Variants in TEX11 observed in about 807,000 individuals in gnomAD.
TEX11 encodes the protein testis-expressed protein 11.
TEX11 carries 7 observed loss-of-function variants against 84.4 expected under a neutral mutation model. The observed-to-expected ratio is 0.08, with a 90% CI of 0.05 to 0.16. The LOEUF (loss-of-function observed/expected upper bound fraction) is 0.16. Among genes scored for constraint, TEX11 ranks in the 10% least tolerant of loss-of-function variants. TEX11 has a pLI of 1.00. For missense variants in TEX11, 551 were observed against 660.5 expected, an observed-to-expected ratio of 0.83 and a Z score of 1.82; for synonymous variants, 264 against 222.8, an observed-to-expected ratio of 1.18 and a Z score of -1.64.
chrX:70,522,626 T>C, the TEX11 span, among the ~76,000 whole-genome samples: 1 of 111,119 alleles, frequency 9.0e-6, no homozygotes, highest in Non-Finnish European at 1.9e-5. Flanking sequence ...CTCCGCCTCC[T>C]GGGTTCAAGC....
chrX:70,651,463 G>A lies in TEX11; in HGVS notation c.1470C>T (p.Gly490=). Residue 490 remains glycine (G), a synonymous_variant, in exon 17 of 30, where the codon GGC becomes GGT. Transcript: ENST00000374333. The part of the protein sequence containing the change: ...FYIFKIAVIE[G]NSERALQAII... ...TAAAATTTATACCTCTTTCAGAGTT[G>A]CCCTCTATGACTGCAATCTTGAATA... The A allele has an allele frequency of 3.4e-6, 4 of 1,192,914 alleles. No individual in the cohort carries two copies. Among genetic ancestry groups the A allele is most frequent in the South Asian group, 3.6e-5 (2 of 55,114 alleles).
At chrX:70,750,965 T>TATATATATATATATATATAG (rs2090818710) in intron 9 of TEX11, among the ~76,000 whole-genome samples, 1 of 74,328 alleles carries the variant, frequency 1.3e-5, no homozygotes, top group Non-Finnish European at 2.7e-5. Context: ...TATATATATA[T>TATATATATATATATATATAG]AAAAGTCAGG....
chrX:70,762,125 T>C (rs1443288913), intron 9 of TEX11, among the ~76,000 whole-genome samples: 12 of 111,960 alleles, frequency 1.1e-4, no homozygotes, highest in Non-Finnish European at 1.9e-5. Context: ...AGGAATTTCA[T>C]GAACACCAGA....
the TEX11 span, among the ~76,000 whole-genome samples, chrX:70,514,294 G>T: frequency 1.9e-5 from 2 of 104,276 alleles, no homozygotes; most frequent in Non-Finnish European, 4.0e-5. Flanking sequence ...ACAGAGTTTT[G>T]GTGAAGTTAA....
At chrX:70,713,318 G>A (rs1444457636) in intron 13 of TEX11, among the ~76,000 whole-genome samples, 7 of 111,861 alleles carry the variant, frequency 6.3e-5, no homozygotes, top group Non-Finnish European at 5.6e-5. Flanking sequence ...AGTGAGTTAC[G>A]GAGGATTCCC....
Position 70,610,538 on chromosome X carries a change from T to C in TEX11, c.1757A>G (p.Lys586Arg). The C allele has an allele frequency of 8.3e-7, 1 of 1,206,253 alleles. No individual in the cohort carries two copies. Among genetic ancestry groups the C allele is most frequent in the Non-Finnish European group, 1.1e-6 (1 of 892,311 alleles). The change falls in exon 21 of 30, where the codon AAA (lysine) becomes AGA (arginine). Residue 586 changes from lysine to arginine, a missense_variant. Coordinates refer to ENST00000374333, the MANE Select transcript of TEX11 (RefSeq NM_031276.3). ...AEMPESEDKK[K>R]EMDRLLTCLN... ...GCAAGTCAAAAGTCGATCCATTTCT[T>C]TCTTCCTAAAAATAAAGAAAAGGAT...
At chrX:70,677,812 T>G (rs1451771311) in intron 15 of TEX11, among the ~76,000 whole-genome samples, 1 of 49,676 alleles carries the variant, frequency 2.0e-5, no homozygotes, top group Non-Finnish European at 3.7e-5. Context: ...TTTCTTTCCT[T>G]TTTTTTTTTT....
chrX:70,619,157 T>C (rs976305911), intron 20 of TEX11, among the ~76,000 whole-genome samples: 1 of 111,570 alleles, frequency 9.0e-6, no homozygotes, highest in African/African-American at 3.3e-5. Context: ...TCCTACCTGA[T>C]GAAACATGAG....
intron 17 of TEX11, among the ~76,000 whole-genome samples, chrX:70,641,406 C>A (rs1269775779): frequency 9.0e-6 from 1 of 110,654 alleles, no homozygotes; most frequent in African/African-American, 3.3e-5. Context: ...CTCAGCTCTG[C>A]ACCAAGAGGA....
At chrX:70,853,203 G>A (rs764493942) in intron 6 of TEX11, 45 bp downstream of exon 6, 4 of 1,205,547 alleles carry the variant, frequency 3.3e-6, no homozygotes, top group Non-Finnish European at 4.5e-6. Context: ...AACCACAGAT[G>A]TTACTACTAA....
chrX:70,782,414 C>T (rs1390252083), intron 9 of TEX11, among the ~76,000 whole-genome samples: 4 of 110,285 alleles, frequency 3.6e-5, no homozygotes, highest in African/African-American at 6.6e-5. Context: ...CATCAATTAA[C>T]GGGCAAACTA....
intron 7 of TEX11, among the ~76,000 whole-genome samples, chrX:70,843,052 G>T (rs2091456745): frequency 9.0e-6 from 1 of 111,589 alleles, no homozygotes; most frequent in Non-Finnish European, 1.9e-5. Flanking sequence ...TGGCCATACT[G>T]CCCAAGGTAA....
intron 24 of TEX11, among the ~76,000 whole-genome samples, chrX:70,595,868 T>C (rs2088999729): frequency 9.0e-6 from 1 of 111,381 alleles, no homozygotes; most frequent in East Asian, 2.8e-4. Flanking sequence ...ATGACCCAAC[T>C]ACATTCTGTC....
chrX:70,557,484 A>G (rs2088303663), intron 25 of TEX11, among the ~76,000 whole-genome samples: 1 of 110,499 alleles, frequency 9.0e-6, no homozygotes, highest in Non-Finnish European at 1.9e-5. Context: ...AAAAAAAAAG[A>G]AAAAGAAAGA....
At chrX:70,869,036 GTAAAATAAAATAAAA>G (rs67299887) in intron 4 of TEX11, among the ~76,000 whole-genome samples, 6,636 of 53,685 alleles carry the variant, frequency 0.12, 508 homozygotes, top group East Asian at 0.35. Context: ...AGAACTTAAA[GTAAAATAAAATAAAA>G]TAAAATAAAA....
intron 2 of TEX11, among the ~76,000 whole-genome samples, chrX:70,903,918 T>G (rs1470369633): frequency 9.7e-6 from 1 of 102,575 alleles, no homozygotes; most frequent in African/African-American, 3.6e-5. Context: ...CCTCCTAGGC[T>G]CAAGCGATCC....
chrX:70,716,870 C>T (rs181622185), intron 13 of TEX11, among the ~76,000 whole-genome samples: 1 of 112,474 alleles, frequency 8.9e-6, no homozygotes, highest in East Asian at 2.8e-4. Flanking sequence ...TTCTGCGTCG[C>T]TCACGCTGGG....
chrX:70,696,725 C>T (rs953858589), intron 13 of TEX11, among the ~76,000 whole-genome samples: 2 of 111,734 alleles, frequency 1.8e-5, no homozygotes, highest in African/African-American at 6.5e-5. Flanking sequence ...GCAGAGATCA[C>T]GCCACTGCAC....
At chrX:70,899,569 G>A (rs1283655383) in intron 2 of TEX11, among the ~76,000 whole-genome samples, 1 of 109,088 alleles carries the variant, frequency 9.2e-6, no homozygotes, top group Non-Finnish European at 1.9e-5. Flanking sequence ...AAACAAATTA[G>A]CTAATGTCTA....
Sources: allele counts gnomAD v4.1 joint callset (sites outside exome capture counted in the v4.1 genomes callset), GRCh38; gene constraint gnomAD v4.1.1; transcripts MANE v1.5; gene names NCBI Gene and HGNC (gene_info 2026-07-23, HGNC 2026-07-21).